SHTN1: variants seen among roughly 807,000 people sequenced by gnomAD.
SHTN1 encodes the protein shootin-1.
SHTN1 carries 42 observed loss-of-function variants against 83.1 expected under a neutral mutation model. The observed-to-expected ratio is 0.51, with a 90% CI of 0.39 to 0.65. The LOEUF is 0.65. Ranked by LOEUF, SHTN1 falls within the 30% of genes least tolerant of loss-of-function variation. The pLI is 0.00. For missense variants in SHTN1, 622 were observed against 737.8 expected (o/e 0.84, Z 1.82); for synonymous variants, 224 against 247.7 (o/e 0.90, Z 0.90).
intron 1 of SHTN1, among the ~76,000 whole-genome samples, chr10:117,067,919 G>A (rs1283864230): frequency 2.0e-5 from 3 of 152,166 alleles, no homozygotes; most frequent in Non-Finnish European, 4.4e-5. Context: ...ACCATTTACT[G>A]AGAGAGGAAG....
At chr10:116,981,927 C>T (rs1459382332) in intron 1 of SHTN1, among the ~76,000 whole-genome samples, 1 of 152,164 alleles carries the variant, frequency 6.6e-6, no homozygotes, top group East Asian at 1.9e-4. Flanking sequence ...GGCGTGGTAG[C>T]GCGCACCTGT....
intron 2 of SHTN1, among the ~76,000 whole-genome samples, chr10:116,971,662 A>C (rs1850625781): frequency 6.6e-6 from 1 of 152,232 alleles, no homozygotes; most frequent in Non-Finnish European, 1.5e-5. Context: ...ACTAGGCTCA[A>C]ACTCCTGAGT....
At chr10:116,976,901 T>C (rs1850826928) in intron 2 of SHTN1, among the ~76,000 whole-genome samples, 1 of 152,256 alleles carries the variant, frequency 6.6e-6, no homozygotes, top group Non-Finnish European at 1.5e-5. Context: ...TTAATAGTTA[T>C]TTTTAAAGAA....
At chr10:117,099,472 C>T (rs1853557403) in intron 1 of SHTN1, among the ~76,000 whole-genome samples, 1 of 152,150 alleles carries the variant, frequency 6.6e-6, no homozygotes, top group South Asian at 2.1e-4. Flanking sequence ...AATATCACTT[C>T]ACTGATTTTG....
chr10:116,936,990 C>CT (rs907126691), intron 9 of SHTN1, among the ~76,000 whole-genome samples: 28 of 150,752 alleles, frequency 1.9e-4, no homozygotes, highest in South Asian at 1.1e-3. Flanking sequence ...GCAACCCCTG[C>CT]TTTTTTTTTG....
rs188788491 is a variant in SHTN1 at position 117,093,825 on chromosome 10, A to G, written c.-189+32482T>C. Reference sequence around the variant, plus strand: ...GATACAGGAAGCCAAACACTCAGCAATATGATTTTCTATACATGACCCCAA... The same window carrying G: ...GATACAGGAAGCCAAACACTCAGCAGTATGATTTTCTATACATGACCCCAA... On this transcript the variant is annotated intron_variant, in intron 1 of 17. Coordinates refer to the SHTN1 transcript ENST00000392901. Among the ~76,000 whole-genome samples, 9 of 152,314 alleles carry G rather than the reference A, an allele frequency of 5.9e-5. No individual in the cohort carries two copies. In the East Asian group the frequency reaches 1.7e-3, roughly 29 times the overall value.
intron 16 of SHTN1, 107 bp downstream of exon 16, chr10:116,901,658 C>T (rs973052597): frequency 1.6e-5 from 21 of 1,352,786 alleles, no homozygotes; most frequent in East Asian, 6.1e-5. Flanking sequence ...GAGAATTTAC[C>T]GGCGAGCCAA....
At chr10:116,933,562 T>A (rs1032146996) in intron 9 of SHTN1, among the ~76,000 whole-genome samples, 1 of 152,236 alleles carries the variant, frequency 6.6e-6, no homozygotes, top group Non-Finnish European at 1.5e-5. Flanking sequence ...TTATCCAGTC[T>A]ATCATTGATG....
At chr10:117,105,007 C>T (rs1853652087) in intron 1 of SHTN1, among the ~76,000 whole-genome samples, 1 of 151,842 alleles carries the variant, frequency 6.6e-6, no homozygotes, top group Non-Finnish European at 1.5e-5. Context: ...ACACCACTGC[C>T]CTTACCTCAA....
chr10:116,912,923 G>A (rs1009213306), intron 13 of SHTN1, among the ~76,000 whole-genome samples: 2 of 152,162 alleles, frequency 1.3e-5, no homozygotes. Context: ...ACAGAGAAGA[G>A]AGAGGTTTGC....
chr10:116,901,650 G>T, intron 16 of SHTN1, 115 bp downstream of exon 16: 1 of 1,357,216 alleles, frequency 7.4e-7, no homozygotes, highest in Non-Finnish European at 9.4e-7. Context: ...AAGAAGAAGA[G>T]AATTTACCGG....
At chr10:116,919,816 G>A (rs1848489979) in intron 12 of SHTN1, among the ~76,000 whole-genome samples, 1 of 151,958 alleles carries the variant, frequency 6.6e-6, no homozygotes, top group African/African-American at 2.4e-5. Flanking sequence ...TTAATGTGCA[G>A]AGGAATAGAT....
At chr10:116,891,070 CA>C (rs1847329634) in intron 16 of SHTN1, among the ~76,000 whole-genome samples, 1 of 152,132 alleles carries the variant, frequency 6.6e-6, no homozygotes, top group Non-Finnish European at 1.5e-5. Flanking sequence ...TGAATACAAT[CA>C]AAGCTCATGA....
chr10:117,062,649 A>AT (rs1321738455), intron 1 of SHTN1, among the ~76,000 whole-genome samples: 1 of 152,200 alleles, frequency 6.6e-6, no homozygotes, highest in African/African-American at 2.4e-5. Context: ...TAAATGAGAC[A>AT]TTGTAATGTG....
rs1358279846 is a variant in SHTN1, at chr10:116,954,065, A to G, written c.413T>C (p.Val138Ala). Residue 138 changes from valine to alanine, a missense_variant, in exon 5 of 17, where the codon GTA becomes GCA. Around this residue, in one of 3 missense-constraint regions of SHTN1, gnomAD observed 383 missense variants for 455.8 expected, o/e 0.84. Coordinates refer to ENST00000355371, the MANE Select transcript of SHTN1 (RefSeq NM_001127211.3). ...ACCTTTAATTTGCTTCTGACACTGT[A>G]CTGAGACACAAGTCTCGGCGGCACC... ...TDGAAETCVS[V>A]QCQKQIKELR... 1 of 1,612,408 alleles carries G rather than the reference A, an allele frequency of 6.2e-7. No individual in the cohort carries two copies. The highest frequency in any genetic ancestry group is 8.5e-7 in the Non-Finnish European group (1 of 1,179,626).
chr10:116,899,672 C>T (rs187127258), intron 16 of SHTN1, among the ~76,000 whole-genome samples: 6 of 152,152 alleles, frequency 3.9e-5, no homozygotes, highest in Non-Finnish European at 7.3e-5. Flanking sequence ...GAAACACTAA[C>T]GGTGGTGTTG....
At chr10:117,098,502 T>C (rs1418563005) in intron 1 of SHTN1, among the ~76,000 whole-genome samples, 2 of 151,960 alleles carry the variant, frequency 1.3e-5, no homozygotes, top group Non-Finnish European at 2.9e-5. Flanking sequence ...AATCAGATAC[T>C]GACAACAATC....
chr10:117,072,295 G>T (rs2420308), intron 1 of SHTN1, among the ~76,000 whole-genome samples: 104,191 of 151,984 alleles, frequency 0.69, 38,055 homozygotes, highest in Middle Eastern at 0.84. Flanking sequence ...TGTGATTGTG[G>T]TTCCATCATA....
At chr10:116,914,364 T>A (rs548098674) in intron 13 of SHTN1, among the ~76,000 whole-genome samples, 3 of 151,640 alleles carry the variant, frequency 2.0e-5, no homozygotes, top group African/African-American at 2.4e-5. Flanking sequence ...TCCAGCTACT[T>A]GGGAGGCTGA....
Sources: gnomAD v4.1 joint callset for allele counts (sites outside exome capture counted in the v4.1 genomes callset) on GRCh38, gnomAD v4.1.1 for gene constraint, gnomAD v4.1.1 regional missense constraint, MANE v1.5 for transcripts, NCBI Gene and HGNC (gene_info 2026-07-23, HGNC 2026-07-21) for gene names.